The following PPM1H variants were observed in gnomAD, a reference collection of about 807,000 sequenced individuals.
The protein encoded by PPM1H is protein phosphatase, Mg2+/Mn2+ dependent 1H.
In PPM1H, 27 loss-of-function variants were observed where a neutral mutation model predicts 54.9. The ratio of observed to expected loss-of-function variants is 0.49; its 90% CI spans 0.36 to 0.68. The LOEUF is 0.68. Ranked by LOEUF, PPM1H falls within the 30% of genes least tolerant of loss-of-function variation. The probability of loss-of-function intolerance (pLI) is 0.00; values close to 1 mark genes in which losing one functional copy is unlikely to be tolerated. For missense variants in PPM1H, 596 were observed against 667.8 expected (o/e 0.89, Z 1.19); for synonymous variants, 305 against 270.8 (o/e 1.13, Z -1.24).
chr12:62,694,455 G>A (rs955750800), intron 6 of PPM1H, among the ~76,000 whole-genome samples: 8 of 152,128 alleles, frequency 5.3e-5, no homozygotes, highest in African/African-American at 9.7e-5. Flanking sequence ...GAAATCTTTC[G>A]AGCCTGTTTG....
At chr12:62,782,558 T>C (rs1035927847) in intron 4 of PPM1H, among the ~76,000 whole-genome samples, 1 of 152,196 alleles carries the variant, frequency 6.6e-6, no homozygotes, top group African/African-American at 2.4e-5. Flanking sequence ...ATTCATGGAA[T>C]GCTATTCACT....
At chr12:62,696,110 G>A (rs192862072) in intron 6 of PPM1H, among the ~76,000 whole-genome samples, 1 of 152,038 alleles carries the variant, frequency 6.6e-6, no homozygotes, top group Non-Finnish European at 1.5e-5. Flanking sequence ...GTATTACCTA[G>A]AGCTTAATAG....
At chr12:62,877,093 T>A (rs953824083) in intron 1 of PPM1H, among the ~76,000 whole-genome samples, 2 of 152,302 alleles carry the variant, frequency 1.3e-5, no homozygotes, top group Admixed American at 1.3e-4. Context: ...TGACCTAGGG[T>A]ACGCATATTT....
intron 4 of PPM1H, among the ~76,000 whole-genome samples, chr12:62,771,392 GGT>G (rs1260905189): frequency 1.3e-5 from 2 of 151,308 alleles, no homozygotes; most frequent in African/African-American, 4.9e-5. Flanking sequence ...CATCTAACCT[GGT>G]AAGAATACAG....
chr12:62,788,126 G>T, intron 4 of PPM1H, 100 bp downstream of exon 4: 1 of 803,838 alleles, frequency 1.2e-6, no homozygotes. Flanking sequence ...GATGTAGAAG[G>T]CCTGTCTTTA....
At chr12:62,887,720 A>G (rs1160396201) in intron 1 of PPM1H, among the ~76,000 whole-genome samples, 5 of 152,194 alleles carry the variant, frequency 3.3e-5, no homozygotes, top group Admixed American at 1.3e-4. Flanking sequence ...ATACGACTGC[A>G]TTGGGGGAAG....
chr12:62,773,330 C>T (rs1341939815), intron 4 of PPM1H, among the ~76,000 whole-genome samples: 1 of 151,974 alleles, frequency 6.6e-6, no homozygotes, highest in East Asian at 1.9e-4. Flanking sequence ...AATAAATTAG[C>T]CAGGTGTGGT....
At chr12:62,915,352 T>G (rs907653531) in intron 1 of PPM1H, among the ~76,000 whole-genome samples, 1 of 152,256 alleles carries the variant, frequency 6.6e-6, no homozygotes, top group Non-Finnish European at 1.5e-5. Context: ...TCAGGAGTTC[T>G]GCTGTCTGCT....
chr12:62,646,686 C>A lies in PPM1H; in HGVS notation c.*1803G>T, dbSNP rs1434228384. 3 of 152,280 alleles carry A rather than the reference C, an allele frequency of 2.0e-5. No individual in the cohort carries two copies. Among genetic ancestry groups the A allele is most frequent in the Non-Finnish European group, 2.9e-5 (2 of 68,078 alleles). The allele number at this position is 152,280 out of a possible 1,614,324, so 9.4% of individuals were successfully genotyped here. A position where few individuals can be genotyped will look rare whatever the true frequency, so the allele number is the denominator to read the frequency against. Reference sequence around the variant, plus strand: ...ACAACTCCTGACAAGGCCGAAGTCCCATTCTTCCCAGGCCAACACTTGCAC... The same window carrying A: ...ACAACTCCTGACAAGGCCGAAGTCCAATTCTTCCCAGGCCAACACTTGCAC... On this transcript the variant is annotated 3_prime_UTR_variant, in exon 10 of 10. Transcript: ENST00000228705.
intron 1 of PPM1H, among the ~76,000 whole-genome samples, chr12:62,915,198 TCTTA>T (rs1168829163): frequency 6.6e-6 from 1 of 152,248 alleles, no homozygotes; most frequent in Middle Eastern, 3.2e-3. Flanking sequence ...CCTTCTGGAC[TCTTA>T]CTTGGATGAT....
At chr12:62,903,358 A>G (rs755470543) in intron 1 of PPM1H, among the ~76,000 whole-genome samples, 2 of 152,238 alleles carry the variant, frequency 1.3e-5, no homozygotes, top group African/African-American at 2.4e-5. Context: ...ACAAAGCAAC[A>G]GGAAGTCAAG....
rs557690788 is a variant in PPM1H, at chr12:62,645,140, T to A, written c.*3349A>T. 1 of 152,288 alleles carries A rather than the reference T, an allele frequency of 6.6e-6. No homozygotes were observed. Among genetic ancestry groups the A allele is most frequent in the African/African-American group, 2.4e-5 (1 of 41,566 alleles). The allele number at this position is 152,288 out of a possible 1,614,324, so 9.4% of individuals were successfully genotyped here. On this transcript the variant is annotated 3_prime_UTR_variant, in exon 10 of 10. Transcript: ENST00000228705. The stretch of plus-strand genomic sequence containing the variant: ...TTTGTCCCTAATGTTTTCATACTAG[T>A]GCTCTTGTTAAATGGAAAACCCTTC...
At chr12:62,766,539 A>G (rs2076544688) in intron 4 of PPM1H, among the ~76,000 whole-genome samples, 1 of 151,176 alleles carries the variant, frequency 6.6e-6, no homozygotes, top group East Asian at 1.9e-4. Context: ...CTCAGGGCCC[A>G]AAATGAATTA....
At chr12:62,929,432 A>C (rs1383823156) in intron 1 of PPM1H, among the ~76,000 whole-genome samples, 2 of 152,336 alleles carry the variant, frequency 1.3e-5, no homozygotes, top group East Asian at 3.9e-4. Flanking sequence ...GTTTATTTCT[A>C]CCAAACATTG....
intron 1 of PPM1H, among the ~76,000 whole-genome samples, chr12:62,896,135 A>G (rs994183823): frequency 6.6e-6 from 1 of 152,234 alleles, no homozygotes; most frequent in Non-Finnish European, 1.5e-5. Flanking sequence ...AATACCGGCT[A>G]ATTATTGCAA....
chr12:62,804,738 G>C (rs1307009581), intron 2 of PPM1H, among the ~76,000 whole-genome samples: 25 of 145,104 alleles, frequency 1.7e-4, no homozygotes, highest in East Asian at 4.0e-4. Flanking sequence ...TGCAGTGGCG[G>C]GATCTCGGCT....
At chr12:62,741,174 C>A (rs2076379204) in intron 4 of PPM1H, among the ~76,000 whole-genome samples, 1 of 152,276 alleles carries the variant, frequency 6.6e-6, no homozygotes, top group South Asian at 2.1e-4. Context: ...AGACAGGCAG[C>A]CATTCTAGAC....
rs141460261 is a variant in PPM1H, at chr12:62,924,220, G to T, written c.245+10272C>A. Among the ~76,000 whole-genome samples the T allele has an allele frequency of 6.8e-3, 1,036 of 152,250 alleles. 4 individuals carry two copies. Among genetic ancestry groups the T allele is most frequent in the Middle Eastern group, 0.041 (12 of 294 alleles). ...CGAAACTGAGGCCCAGAGTGGGGGG[G>T]GCAGTAGCCAACTCGACAACTGTAG... On this transcript the variant is annotated intron_variant, in intron 1 of 9. Transcript: ENST00000228705.
intron 1 of PPM1H, among the ~76,000 whole-genome samples, chr12:62,903,053 CCAATATGGA>C (rs1265609212): frequency 1.3e-4 from 19 of 151,902 alleles, no homozygotes; most frequent in Admixed American, 6.5e-4. Context: ...ATTATATTGC[CCAATATGGA>C]CAACTCACTA....
Sources: gnomAD v4.1 joint callset for allele counts (sites outside exome capture counted in the v4.1 genomes callset) on GRCh38, gnomAD v4.1.1 for gene constraint, MANE v1.5 for transcripts, NCBI Gene and HGNC (gene_info 2026-07-23, HGNC 2026-07-21) for gene names.